The following CBR4 variants were observed in gnomAD, a reference collection of about 807,000 sequenced individuals.
The protein encoded by CBR4 is carbonyl reductase 4, also known as 3-oxoacyl-[acyl-carrier-protein] reductase.
A neutral mutation model predicts 21.0 loss-of-function variants in CBR4; 22 were observed. The observed-to-expected ratio is 1.05, with a 90% CI of 0.75 to 1.50. The LOEUF (loss-of-function observed/expected upper bound fraction) is 1.50. Among genes scored for constraint, CBR4 ranks in the 40% most tolerant of loss-of-function variants. The pLI is 0.00. For missense variants in CBR4, 302 were observed against 286.3 expected (o/e 1.05, Z -0.40); for synonymous variants, 100 against 104.4 (o/e 0.96, Z 0.26).
chr4:168,967,291 G>A (rs937400618), intron 2 of CBR4, among the ~76,000 whole-genome samples: 1 of 152,030 alleles, frequency 6.6e-6, no homozygotes, highest in Non-Finnish European at 1.5e-5. Context: ...TCACTCATAG[G>A]TGGGAGTTGA....
At chr4:168,968,984 T>G (rs1477583525) in intron 2 of CBR4, among the ~76,000 whole-genome samples, 1 of 152,178 alleles carries the variant, frequency 6.6e-6, no homozygotes, top group East Asian at 1.9e-4. Flanking sequence ...AGGGACACAG[T>G]GGACCGAAGT....
At position 168,989,370 on chromosome 4, in the gene CBR4, T is replaced by G; in HGVS notation, c.*780A>C. The G allele has an allele frequency of 1.0e-6, 1 of 985,428 alleles. No homozygotes were observed. Among genetic ancestry groups the G allele is most frequent in the Non-Finnish European group, 1.2e-6 (1 of 829,902 alleles). The allele number at this position is 985,428 out of a possible 1,614,324, so 61.0% of individuals were successfully genotyped here. A position where few individuals can be genotyped will look rare whatever the true frequency, so the allele number is the denominator to read the frequency against. ...GGCTAATCCTCTTCACTTATGAGAA[T>G]TTCTCAAGAATGAGTCAAATGCGCC... On this transcript the variant is annotated 3_prime_UTR_variant, in exon 5 of 5. Transcript: ENST00000306193.
Position 168,926,357 on chromosome 4 carries a change from C to T in CBR4, n.170-31592G>A. 2.6e-6 allele frequency: 4 copies of T among 1,537,318 alleles called. No individual in the cohort carries two copies. The South Asian group carries it at 4.8e-5, about 18-fold the overall frequency. On this transcript the variant is annotated intron_variant and non_coding_transcript_variant, in intron 2 of 3. Transcript: ENST00000509108. ...AACCCATCTCACCTGACACTGAATACTGCCTTGGTAGAAAGTGAGGACCTG... is the reference window on the plus strand; with the variant it reads ...AACCCATCTCACCTGACACTGAATATTGCCTTGGTAGAAAGTGAGGACCTG...
chr4:168,924,183 A>G (rs1390807431), intron 2 of CBR4: 1 of 1,386,226 alleles, frequency 7.2e-7, no homozygotes, highest in Non-Finnish European at 1.0e-6. Context: ...CAATATTCCA[A>G]AAGCCTTCTG....
At position 168,900,660 on chromosome 4, in the gene CBR4, A is replaced by G. The variant is rs528283754; in HGVS notation, n.170-5895T>C. Among the ~76,000 whole-genome samples the G allele has an allele frequency of 3.3e-5, 5 of 152,304 alleles. No individual in the cohort carries two copies. In the East Asian group the frequency reaches 7.7e-4, roughly 24 times the overall value. ...AACTGAATCGCAACGCCAAAGTCAAAGATCAAAGAAAAGAGCCTTGAATTT... is the reference window on the plus strand; with the variant it reads ...AACTGAATCGCAACGCCAAAGTCAAGGATCAAAGAAAAGAGCCTTGAATTT... On this transcript the variant is annotated intron_variant and non_coding_transcript_variant, in intron 2 of 3. Coordinates refer to the CBR4 transcript ENST00000509108.
At chr4:168,997,347 C>G (rs1365436561) in intron 4 of CBR4, among the ~76,000 whole-genome samples, 1 of 152,152 alleles carries the variant, frequency 6.6e-6, no homozygotes, top group Non-Finnish European at 1.5e-5. Flanking sequence ...AAACCCAGTT[C>G]AATTTTTATA....
At chr4:168,981,759 C>T (rs969124782) in intron 2 of CBR4, among the ~76,000 whole-genome samples, 1 of 152,182 alleles carries the variant, frequency 6.6e-6, no homozygotes, top group Non-Finnish European at 1.5e-5. Context: ...GGCTTATATT[C>T]AGCATCCTTA....
chr4:169,005,956 T>C, intron 3 of CBR4: 1 of 1,205,420 alleles, frequency 8.3e-7, no homozygotes, highest in Non-Finnish European at 1.1e-6. Flanking sequence ...GCAGATGGTA[T>C]ACTATTATTT....
At chr4:168,979,718 G>A (rs544098564) in intron 2 of CBR4, among the ~76,000 whole-genome samples, 2 of 152,144 alleles carry the variant, frequency 1.3e-5, no homozygotes, top group East Asian at 3.9e-4. Context: ...TAGGGCCTCT[G>A]GCTTTGGCCC....
chr4:169,000,561 A>G (rs966075657), intron 4 of CBR4, among the ~76,000 whole-genome samples: 2 of 152,160 alleles, frequency 1.3e-5, no homozygotes, highest in South Asian at 2.1e-4. Context: ...GCAAAGGTCT[A>G]CTTCAGCCCT....
chr4:168,918,311 T>G (rs1319236238), intron 2 of CBR4, among the ~76,000 whole-genome samples: 1 of 140,804 alleles, frequency 7.1e-6, no homozygotes, highest in Admixed American at 7.6e-5. Context: ...GATGAATGAA[T>G]AAAGAAAATA....
chr4:169,006,064 C>A, intron 3 of CBR4: 1 of 411,858 alleles, frequency 2.4e-6, no homozygotes, highest in South Asian at 1.9e-5. Flanking sequence ...GTTAGATGAA[C>A]TGAAAACTAG....
chr4:168,987,177 A>G (rs1178690905), downstream of CBR4, among the ~76,000 whole-genome samples: 1 of 152,250 alleles, frequency 6.6e-6, no homozygotes, highest in Non-Finnish European at 1.5e-5. Flanking sequence ...CTGAAAGCAT[A>G]CTGCCTAAGA....
At chr4:168,984,034 CATAATATT>C (rs1483436914), downstream of CBR4, among the ~76,000 whole-genome samples, 1 of 152,104 alleles carries the variant, frequency 6.6e-6, no homozygotes, top group East Asian at 1.9e-4. Flanking sequence ...TCCTATTCAA[CATAATATT>C]ATAAGTCCTA....
At position 169,010,230 on chromosome 4, in the gene CBR4, G is replaced by C. The variant is rs187615577; in HGVS notation, c.-141C>G. On this transcript the variant is annotated 5_prime_UTR_variant, in exon 1 of 5. Coordinates refer to ENST00000306193, the MANE Select transcript of CBR4 (RefSeq NM_032783.5). ...ACCGCAAAAAAAAATAACGCCGCTC[G>C]ACACCTCCTGCAGCCGCACAATAGT... is the stretch of plus-strand genomic sequence containing the variant. 4 of 732,864 alleles carry C rather than the reference G, an allele frequency of 5.5e-6. No individual in the cohort carries two copies. Among genetic ancestry groups the C allele is most frequent in the African/African-American group, 1.8e-5 (1 of 55,276 alleles). 45.4% of individuals were successfully genotyped at this position (732,864 alleles called of 1,614,324 possible). A position where few individuals can be genotyped will look rare whatever the true frequency, so the allele number is the denominator to read the frequency against.
In CBR4 at chr4:168,918,568, T is replaced by C. The variant is rs895954780; in HGVS notation, n.170-23803A>G. 7.2e-5 allele frequency among the ~76,000 whole-genome samples: 11 copies of C among 152,262 alleles called. No individual in the cohort carries two copies. The East Asian group carries it at 2.1e-3, about 29-fold the overall frequency. ...AGTTGGGGAAATGTTAGTCAAAGCA[T>C]ATAAAATTTCAGACAGGAAGAATAA... On this transcript the variant is annotated intron_variant and non_coding_transcript_variant, in intron 2 of 3. Transcript: ENST00000509108.
downstream of CBR4, among the ~76,000 whole-genome samples, chr4:168,983,821 C>A (rs1410155160): frequency 6.6e-6 from 1 of 152,058 alleles, no homozygotes; most frequent in Non-Finnish European, 1.5e-5. Context: ...ATAATCTTCA[C>A]AAGAGACAGA....
intron 2 of CBR4, among the ~76,000 whole-genome samples, chr4:168,935,828 G>A (rs545289876): frequency 1.3e-5 from 2 of 152,300 alleles, no homozygotes; most frequent in East Asian, 3.9e-4. Context: ...GGTGGCGGTG[G>A]GTGCAGCTTC....
At chr4:168,944,238 A>C (rs1043098150) in intron 2 of CBR4, among the ~76,000 whole-genome samples, 2 of 152,094 alleles carry the variant, frequency 1.3e-5, no homozygotes, top group Non-Finnish European at 2.9e-5. Context: ...TGAAGCCAGG[A>C]GTTTGAGACC....
Sources: allele counts gnomAD v4.1 joint callset (sites outside exome capture counted in the v4.1 genomes callset), GRCh38; gene constraint gnomAD v4.1.1; transcripts MANE v1.5; gene names NCBI Gene and HGNC (gene_info 2026-07-23, HGNC 2026-07-21).